The following PCF11 variants were observed in gnomAD, a reference collection of about 807,000 sequenced individuals.
PCF11 encodes the protein PCF11 cleavage and polyadenylation factor subunit, also known as pre-mRNA cleavage complex 2 protein Pcf11.
A neutral mutation model predicts 166.1 loss-of-function variants in PCF11; 19 were observed. The observed-to-expected ratio is 0.11, with a 90% CI of 0.08 to 0.17. The LOEUF is 0.17. Ranked by LOEUF, PCF11 falls within the 10% of genes least tolerant of loss-of-function variation. The probability of loss-of-function intolerance (pLI) is 1.00; values close to 1 mark genes in which losing one functional copy is unlikely to be tolerated. For synonymous variants in PCF11, 663 were observed against 644.1 expected, an observed-to-expected ratio of 1.03 and a Z score of -0.44; for missense variants, 1,565 against 1,855.5, an observed-to-expected ratio of 0.84 and a Z score of 2.88.
intron 8 of PCF11, among the ~76,000 whole-genome samples, chr11:83,170,807 G>T (rs1860662018): frequency 6.6e-6 from 1 of 152,046 alleles, no homozygotes; most frequent in South Asian, 2.1e-4. Context: ...AGATTGCATG[G>T]AAGAAAATAC....
At chr11:83,176,386 CAT>C (rs1223855620) in intron 9 of PCF11, among the ~76,000 whole-genome samples, 15 of 152,280 alleles carry the variant, frequency 9.9e-5, no homozygotes, top group South Asian at 6.2e-4. Flanking sequence ...CACGTGCACA[CAT>C]ATGTTTATTG....
At chr11:83,181,014 T>C (rs1217143132) in exon 12 of PCF11, 2 of 1,531,124 alleles carry the variant, frequency 1.3e-6, no homozygotes, top group Non-Finnish European at 8.9e-7. Context: ...ATAGACGTTA[T>C]GACAGTGTTA....
rs139134814 is a variant in PCF11 at position 83,166,433 on chromosome 11, A to G, written c.1536A>G (p.Pro512=). The change falls in exon 5 of 16, where the codon CCA becomes CCG. Residue 512 remains proline (P), a synonymous_variant. Transcript: ENST00000298281. The stretch of plus-strand genomic sequence containing the variant: ...AACGAAGGCAAAGAAGTATGTCTCC[A>G]ACATCGACACCTAAAGCTGGAAAGA... 1,427 of 1,613,990 alleles carry G rather than the reference A, an allele frequency of 8.8e-4. 12 individuals are homozygous for G. The African/African-American group carries it at 0.017, about 19-fold the overall frequency.
exon 8 of PCF11, chr11:83,169,436 G>T: frequency 1.2e-6 from 2 of 1,613,784 alleles, no homozygotes; most frequent in South Asian, 1.1e-5. Flanking sequence ...TTTGAAGGTT[G>T]TCATGCTTTA....
At position 83,166,434 on chromosome 11, in the gene PCF11, A is replaced by C. The variant is rs753388547; in HGVS notation, c.1537A>C (p.Thr513Pro). The change falls in exon 5 of 16, where the codon ACA (threonine) becomes CCA (proline). Residue 513 changes from threonine to proline, a missense_variant. Transcript: ENST00000298281. ...ACGAAGGCAAAGAAGTATGTCTCCA[A>C]CATCGACACCTAAAGCTGGAAAGAT... The C allele has an allele frequency of 3.1e-6, 5 of 1,614,004 alleles. No individual in the cohort carries two copies. In the Admixed American group the frequency reaches 8.3e-5, roughly 27 times the overall value.
At chr11:83,166,008 C>T in exon 5 of PCF11, 1 of 1,601,792 alleles carries the variant, frequency 6.2e-7, no homozygotes, top group Non-Finnish European at 8.5e-7. Context: ...ATCGAAATCA[C>T]CCTCACCTTT....
At position 83,160,007 on chromosome 11, in the gene PCF11, A is replaced by G. The variant is rs890102826; in HGVS notation, c.193-1320A>G. ...ATGGTAAGGTAAAGACACAGCAGTAAACCATTTGACATGTTCGTACTTAAT... is the reference window on the plus strand; with the variant it reads ...ATGGTAAGGTAAAGACACAGCAGTAGACCATTTGACATGTTCGTACTTAAT... On this transcript the variant is annotated intron_variant, in intron 1 of 15. Transcript: ENST00000298281. Among the ~76,000 whole-genome samples, 161 of 152,322 alleles carry G rather than the reference A, an allele frequency of 1.1e-3. 1 individual carries two copies. Among genetic ancestry groups the G allele is most frequent in the African/African-American group, 3.2e-3 (135 of 41,566 alleles).
At chr11:83,166,839 C>A in intron 5 of PCF11, 125 bp downstream of exon 5, 1 of 820,084 alleles carries the variant, frequency 1.2e-6, no homozygotes, top group Non-Finnish European at 1.9e-6. Flanking sequence ...ATTCTTACAT[C>A]TCTGTGGGTT....
exon 5 of PCF11, chr11:83,166,379 C>T: frequency 6.2e-7 from 1 of 1,613,722 alleles, no homozygotes; most frequent in Admixed American, 1.7e-5. Flanking sequence ...TTATACATTC[C>T]CCAAAGAGAA....
chr11:83,168,640 A>G (rs1371375006), exon 8 of PCF11: 2 of 1,613,940 alleles, frequency 1.2e-6, no homozygotes, highest in South Asian at 2.2e-5. Context: ...AACGAAGATG[A>G]TTTTTGAAGG....
At chr11:83,181,365 T>G (rs1861077403) in intron 12 of PCF11, among the ~76,000 whole-genome samples, 174 bp downstream of exon 12, 1 of 151,386 alleles carries the variant, frequency 6.6e-6, no homozygotes, top group African/African-American at 2.4e-5. Context: ...CCCTAGAATA[T>G]AAACAGATTT....
At chr11:83,169,334 T>C (rs1449387390) in exon 8 of PCF11, 1 of 1,611,746 alleles carries the variant, frequency 6.2e-7, no homozygotes, top group Non-Finnish European at 8.5e-7. Flanking sequence ...GGCCCTTTAG[T>C]CCAACAAGGA....
At chr11:83,168,073 A>G (rs2135426234) in intron 7 of PCF11, among the ~76,000 whole-genome samples, 175 bp downstream of exon 7, 1 of 152,274 alleles carries the variant, frequency 6.6e-6, no homozygotes, top group East Asian at 1.9e-4. Context: ...TAATATTTCT[A>G]AGGCCAGTTG....
At chr11:83,182,410 C>T in exon 14 of PCF11, 3 of 1,544,132 alleles carry the variant, frequency 1.9e-6, no homozygotes, top group Non-Finnish European at 2.7e-6. Flanking sequence ...GTTGTGAAAT[C>T]TGTCAAGAAC....
intron 14 of PCF11, 95 bp downstream of exon 14, chr11:83,182,586 T>C (rs1861120670): frequency 1.5e-6 from 1 of 666,628 alleles, no homozygotes; most frequent in African/African-American, 1.8e-5. Flanking sequence ...TAATAGTTTT[T>C]GTTTGATTTT....
At chr11:83,178,541 A>G (rs963769993) in intron 11 of PCF11, among the ~76,000 whole-genome samples, 1 of 151,646 alleles carries the variant, frequency 6.6e-6, no homozygotes, top group African/African-American at 2.4e-5. Flanking sequence ...CACTCCTGTA[A>G]TCCCAGCACT....
intron 9 of PCF11, among the ~76,000 whole-genome samples, chr11:83,172,990 A>G (rs1860738855): frequency 6.6e-6 from 1 of 152,224 alleles, no homozygotes. Context: ...ATGGACAATT[A>G]TGACTAATTA....
intron 9 of PCF11, among the ~76,000 whole-genome samples, chr11:83,172,922 C>T (rs1590931947): frequency 6.6e-6 from 1 of 152,152 alleles, no homozygotes. Flanking sequence ...ATACATTAGT[C>T]CTTAAATTGT....
chr11:83,181,139 A>G, exon 12 of PCF11: 1 of 1,611,184 alleles, frequency 6.2e-7, no homozygotes, highest in Non-Finnish European at 8.5e-7. Context: ...AATAGAACTG[A>G]AAAGGATGTT....
Sources: gnomAD v4.1 joint callset for allele counts (sites outside exome capture counted in the v4.1 genomes callset) on GRCh38, gnomAD v4.1.1 for gene constraint, MANE v1.5 for transcripts, NCBI Gene and HGNC (gene_info 2026-07-23, HGNC 2026-07-21) for gene names.